Variants in PTPN4 observed in about 807,000 individuals in gnomAD.
PTPN4 encodes tyrosine-protein phosphatase non-receptor type 4.
A neutral mutation model predicts 135.5 loss-of-function variants in PTPN4; 49 were observed. The ratio of observed to expected loss-of-function variants is 0.36; its 90% CI spans 0.29 to 0.46. The LOEUF (loss-of-function observed/expected upper bound fraction) is 0.46. PTPN4 is among the 20% of genes least tolerant of loss of function. The pLI is 1.00. For synonymous variants in PTPN4, 333 were observed against 369.9 expected, an observed-to-expected ratio of 0.90 and a Z score of 1.14; for missense variants, 860 against 1,101.0, an observed-to-expected ratio of 0.78 and a Z score of 3.10.
In PTPN4 at chr2:119,934,891, G is replaced by A. The variant is rs140214166; in HGVS notation, c.1288G>A (p.Glu430Lys). 50 of 1,613,782 alleles carry A rather than the reference G, an allele frequency of 3.1e-5. No individual in the cohort carries two copies. The East Asian group carries it at 6.7e-4, about 22-fold the overall frequency. The change falls in exon 15 of 27, where the codon GAA becomes AAA. Residue 430 changes from glutamate to lysine, a missense_variant. By Grantham distance (56) the Glu-to-Lys change is moderately conservative. Transcript: ENST00000263708. ...CCATATGGTTCATACTTCCCCAAGC[G>A]AAGTGTTTGTAAATCAGAGATCTCC... ...VDHMVHTSPS[E>K]VFVNQRSPSS...
chr2:119,920,950 T>C (rs1396158218), intron 12 of PTPN4, among the ~76,000 whole-genome samples: 1 of 152,198 alleles, frequency 6.6e-6, no homozygotes, highest in Non-Finnish European at 1.5e-5. Context: ...TTCTTGTTTG[T>C]TTATGCTTCA....
chr2:119,763,841 A>G (rs1690556021), intron 1 of PTPN4, among the ~76,000 whole-genome samples: 1 of 152,174 alleles, frequency 6.6e-6, no homozygotes, highest in Non-Finnish European at 1.5e-5. Context: ...TAGTAGCTAT[A>G]GTATTGGAGA....
intron 2 of PTPN4, among the ~76,000 whole-genome samples, chr2:119,836,874 C>T (rs1470258172): frequency 6.6e-6 from 1 of 152,228 alleles, no homozygotes; most frequent in Admixed American, 6.5e-5. Flanking sequence ...ACTTTGGGCG[C>T]TGATGAGCAC....
intron 15 of PTPN4, among the ~76,000 whole-genome samples, chr2:119,943,706 C>T (rs541277938): frequency 3.4e-4 from 52 of 151,118 alleles, no homozygotes; most frequent in African/African-American, 7.3e-4. Context: ...CTGCCTCAGC[C>T]CCCCCGAGTA....
In PTPN4 at chr2:119,945,254, T is replaced by C. The variant is rs1393937851; in HGVS notation, c.1515+14T>C. 6 of 1,502,040 alleles carry C rather than the reference T, an allele frequency of 4.0e-6. No individual in the cohort carries two copies. The highest frequency in any genetic ancestry group is 4.4e-6 in the Non-Finnish European group (5 of 1,127,214). The allele number at this position is 1,502,040 out of a possible 1,614,324, so 93.0% of individuals were successfully genotyped here. On this transcript the variant is annotated intron_variant, in intron 16 of 26. Transcript: ENST00000263708. ...GAAAAACCCACTGTAAGTAGCTTCTTCAGATATTCTCATTTTTATTTGAAT... is the reference window on the plus strand; with the variant it reads ...GAAAAACCCACTGTAAGTAGCTTCTCCAGATATTCTCATTTTTATTTGAAT...
At chr2:119,779,946 A>G (rs1690908786) in intron 1 of PTPN4, among the ~76,000 whole-genome samples, 1 of 152,138 alleles carries the variant, frequency 6.6e-6, no homozygotes, top group Admixed American at 6.6e-5. Flanking sequence ...GGACTTCGCC[A>G]TGTTGCCTAG....
intron 2 of PTPN4, among the ~76,000 whole-genome samples, chr2:119,832,630 T>A (rs1355534891): frequency 6.6e-6 from 1 of 152,126 alleles, no homozygotes; most frequent in African/African-American, 2.4e-5. Flanking sequence ...CAATTTGATT[T>A]CCCCCCTATT....
Position 119,885,776 on chromosome 2 carries a change from C to G in PTPN4, c.588-19C>G. On this transcript the variant is annotated intron_variant, in intron 8 of 26. Transcript: ENST00000263708. ...ATTGATTGATTGATCTCATTTTTAA[C>G]TTAATGATGTCTTTATAGAGGCTTA... is the stretch of plus-strand genomic sequence containing the variant. 1 of 1,495,008 alleles carries G rather than the reference C, an allele frequency of 6.7e-7. No homozygotes were observed. The highest frequency in any genetic ancestry group is 9.1e-7 in the Non-Finnish European group (1 of 1,102,884). The allele number at this position is 1,495,008 out of a possible 1,614,324, so 92.6% of individuals were successfully genotyped here.
At position 119,900,771 on chromosome 2, in the gene PTPN4, T is replaced by G. The variant is rs1329532184; in HGVS notation, c.729T>G (p.Ile243Met). The change falls in exon 10 of 27, where the codon ATT (isoleucine) becomes ATG (methionine). Residue 243 changes from isoleucine (I) to methionine (M), a missense_variant. Transcript: ENST00000263708. ...MIGVMSGGILIYKNRVRMNTF... is the reference protein window; with the variant it reads ...MIGVMSGGILMYKNRVRMNTF... ...GAGTGATGTCAGGAGGAATTCTGAT[T>G]TATAAGAACAGGGTACGAATGAATA... 6.3e-7 allele frequency: 1 copy of G among 1,588,122 alleles called. No individual in the cohort carries two copies. Among genetic ancestry groups the G allele is most frequent in the Non-Finnish European group, 8.6e-7 (1 of 1,166,194 alleles).
intron 20 of PTPN4, among the ~76,000 whole-genome samples, chr2:119,955,932 A>T (rs1453988493): frequency 1.3e-5 from 2 of 150,656 alleles, no homozygotes; most frequent in Admixed American, 1.3e-4. Flanking sequence ...GTGAGACTCC[A>T]TCTCAAAAAA....
chr2:119,880,635 A>G (rs1002875630), intron 5 of PTPN4, among the ~76,000 whole-genome samples: 1 of 150,842 alleles, frequency 6.6e-6, no homozygotes, highest in Non-Finnish European at 1.5e-5. Context: ...ATGGGGTTTC[A>G]CCGTGTTAGC....
intron 2 of PTPN4, among the ~76,000 whole-genome samples, chr2:119,856,252 C>A (rs1180708281): frequency 1.3e-5 from 2 of 152,156 alleles, no homozygotes; most frequent in Non-Finnish European, 2.9e-5. Context: ...TTTTCCTCCC[C>A]ACATCTTTGA....
At chr2:119,840,459 G>A (rs902608688) in intron 2 of PTPN4, among the ~76,000 whole-genome samples, 5 of 152,240 alleles carry the variant, frequency 3.3e-5, no homozygotes, top group African/African-American at 4.8e-5. Flanking sequence ...TGGTGCGTAT[G>A]TACCACATTT....
chr2:119,795,472 G>C (rs949453007), intron 1 of PTPN4, among the ~76,000 whole-genome samples: 2 of 152,262 alleles, frequency 1.3e-5, no homozygotes, highest in Non-Finnish European at 2.9e-5. Flanking sequence ...AGTCCAGAGG[G>C]GGCCAAGGTG....
intron 2 of PTPN4, among the ~76,000 whole-genome samples, chr2:119,856,230 G>A (rs879930691): frequency 5.9e-5 from 9 of 152,134 alleles, no homozygotes; most frequent in Admixed American, 1.3e-4. Flanking sequence ...CTTTTAGATC[G>A]CTCCTGTTGC....
chr2:119,845,561 T>C (rs1163751646), intron 2 of PTPN4, among the ~76,000 whole-genome samples: 1 of 152,178 alleles, frequency 6.6e-6, no homozygotes, highest in East Asian at 1.9e-4. Flanking sequence ...ACTTCAGTAT[T>C]AATGTACCTT....
intron 8 of PTPN4, among the ~76,000 whole-genome samples, chr2:119,883,930 C>T (rs947627709): frequency 1.3e-5 from 2 of 152,192 alleles, no homozygotes; most frequent in Admixed American, 6.5e-5. Flanking sequence ...AACGGAGTCT[C>T]GCTCTGTTGC....
Position 119,945,715 on chromosome 2 carries a change from A to G in PTPN4, c.1515+475A>G, listed in dbSNP as rs184313163. 2.0e-5 allele frequency among the ~76,000 whole-genome samples: 3 copies of G among 152,304 alleles called. No homozygotes were observed. The East Asian group carries it at 5.8e-4, about 29-fold the overall frequency. On this transcript the variant is annotated intron_variant, in intron 16 of 26. Coordinates refer to ENST00000263708, the MANE Select transcript of PTPN4 (RefSeq NM_002830.4). ...TATGTGAAATATCCAAAACAGTCAG[A>G]TCTGTCAAGAGACAGTAAGTAGATT...
chr2:119,814,239 A>C (rs1676954387), intron 2 of PTPN4, among the ~76,000 whole-genome samples: 1 of 152,188 alleles, frequency 6.6e-6, no homozygotes, highest in Non-Finnish European at 1.5e-5. Context: ...CCTATTCACT[A>C]TGTAGATTTT....
Sources: allele counts gnomAD v4.1 joint callset (sites outside exome capture counted in the v4.1 genomes callset), GRCh38; gene constraint gnomAD v4.1.1; transcripts MANE v1.5; gene names NCBI Gene and HGNC (gene_info 2026-07-23, HGNC 2026-07-21).